UCP3: variants seen among roughly 807,000 people sequenced by gnomAD.
UCP3 encodes the protein putative mitochondrial transporter UCP3.
A neutral mutation model predicts 28.1 loss-of-function variants in UCP3; 24 were observed. The observed-to-expected ratio is 0.85, with a 90% CI of 0.62 to 1.20. The LOEUF is 1.20. Ranked by LOEUF, UCP3 falls within the 50% of genes most tolerant of loss-of-function variation. The probability of loss-of-function intolerance (pLI) is 0.00; values close to 1 mark genes in which losing one functional copy is unlikely to be tolerated. For missense variants in UCP3, 397 were observed against 422.2 expected, an observed-to-expected ratio of 0.94 and a Z score of 0.52; for synonymous variants, 184 against 171.2, an observed-to-expected ratio of 1.07 and a Z score of -0.59.
chr11:74,001,675 C>G (rs938155521), intron 6 of UCP3, 149 bp from the exon 7 acceptor site: 1 of 607,034 alleles, frequency 1.6e-6, no homozygotes, highest in Non-Finnish European at 2.9e-6. Flanking sequence ...CTCTCTCTCT[C>G]TTTTTTTTTT....
intron 4 of UCP3, among the ~76,000 whole-genome samples, chr11:74,004,931 C>T (rs547849248): frequency 4.7e-4 from 72 of 152,306 alleles, no homozygotes; most frequent in South Asian, 1.2e-3. Flanking sequence ...AGTCATTCAG[C>T]GAGAGGCTGA....
chr11:74,001,568 G>A (rs1463074192), intron 6 of UCP3, 42 bp from the exon 7 acceptor site: 2 of 1,579,104 alleles, frequency 1.3e-6, no homozygotes, highest in Non-Finnish European at 1.7e-6. Context: ...GAGTGCTAGG[G>A]GACCACAACA....
At chr11:74,002,742 G>A in intron 6 of UCP3, 1 of 985,226 alleles carries the variant, frequency 1.0e-6, no homozygotes, top group Non-Finnish European at 1.2e-6. Flanking sequence ...TAATGATAGA[G>A]GCACTTTTTG....
At chr11:74,006,818 T>C (rs1222898040) in intron 2 of UCP3, 99 bp downstream of exon 2, 3 of 1,584,276 alleles carry the variant, frequency 1.9e-6, no homozygotes, top group Middle Eastern at 1.7e-4. Context: ...TTTGTCAGGG[T>C]TCTGAGGAAG....
chr11:74,003,718 A>C, intron 6 of UCP3, 109 bp downstream of exon 6: 1 of 1,499,778 alleles, frequency 6.7e-7, no homozygotes, highest in Non-Finnish European at 8.8e-7. Context: ...TGGCATTTAC[A>C]TCTGTACTCT....
chr11:74,001,345 T>C lies in UCP3; in HGVS notation c.*67A>G. ...GGGTCTGTGTCCATGTGTGCGTGGATGCACCGTTTTCTTCCATTCTTAACT... is the reference window on the plus strand; with the variant it reads ...GGGTCTGTGTCCATGTGTGCGTGGACGCACCGTTTTCTTCCATTCTTAACT... On this transcript the variant is annotated 3_prime_UTR_variant, in exon 7 of 7. Transcript: ENST00000314032. 6.9e-7 allele frequency: 1 copy of C among 1,451,186 alleles called. No homozygotes were observed. Among genetic ancestry groups the C allele is most frequent in the Non-Finnish European group, 9.7e-7 (1 of 1,034,028 alleles). The allele number at this position is 1,451,186 out of a possible 1,614,324, so 89.9% of individuals were successfully genotyped here. A position where few individuals can be genotyped will look rare whatever the true frequency, so the allele number is the denominator to read the frequency against.
chr11:74,007,942 C>G (rs893880895), intron 1 of UCP3, among the ~76,000 whole-genome samples: 1 of 152,162 alleles, frequency 6.6e-6, no homozygotes, highest in African/African-American at 2.4e-5. Context: ...AAAGTGGAAC[C>G]CTCATTACTG....
intron 1 of UCP3, 107 bp from the exon 2 acceptor site, chr11:74,007,244 G>A: frequency 1.5e-6 from 1 of 653,340 alleles, no homozygotes; most frequent in South Asian, 1.9e-5. Context: ...CCTGGGTGGT[G>A]CCATACTTAA....
At chr11:74,007,525 G>T (rs1951676405) in intron 1 of UCP3, among the ~76,000 whole-genome samples, 1 of 151,992 alleles carries the variant, frequency 6.6e-6, no homozygotes, top group South Asian at 2.1e-4. Flanking sequence ...TGACCTCTTG[G>T]ACTCAAGTGA....
chr11:74,006,719 C>A (rs1951669974), intron 2 of UCP3, among the ~76,000 whole-genome samples, 198 bp downstream of exon 2: 2 of 152,180 alleles, frequency 1.3e-5, no homozygotes, highest in Admixed American at 1.3e-4. Flanking sequence ...AGGGCCCTGT[C>A]ACATCATGCA....
intron 4 of UCP3, 21 bp from the exon 5 acceptor site, chr11:74,004,606 A>G: frequency 6.4e-7 from 1 of 1,552,956 alleles, no homozygotes; most frequent in African/African-American, 1.4e-5. Flanking sequence ...GGCGGTGGGG[A>G]GGGATGTGAA....
intron 1 of UCP3, among the ~76,000 whole-genome samples, chr11:74,007,651 T>C (rs1362355705): frequency 6.6e-6 from 1 of 152,178 alleles, no homozygotes; most frequent in Non-Finnish European, 1.5e-5. Flanking sequence ...ATTCTGGTCT[T>C]GAACTCTTGG....
rs745890211 is a variant in UCP3 at position 74,003,981 on chromosome 11, C to T, written c.670G>A (p.Ala224Thr). The T allele has an allele frequency of 1.4e-5, 22 of 1,613,972 alleles. No homozygotes were observed. In the Admixed American group the frequency reaches 3.7e-4, roughly 27 times the overall value. ...TDNFPCHFVS[A>T]FGAGFCATVV... ...GTGGCACAGAAGCCGGCTCCAAAGG[C>T]AGAGACAAAGTGGCAGGGGAAGTTG... Residue 224 changes from alanine to threonine, a missense_variant, in exon 6 of 7, where the codon GCC becomes ACC. By Grantham distance (58) the Ala-to-Thr change is moderately conservative (BLOSUM62 0). Coordinates refer to ENST00000314032, the MANE Select transcript of UCP3 (RefSeq NM_003356.4).
At chr11:74,006,628 G>C (rs769074592) in intron 2 of UCP3, among the ~76,000 whole-genome samples, 14 of 152,182 alleles carry the variant, frequency 9.2e-5, no homozygotes, top group Admixed American at 9.2e-4. Flanking sequence ...TAAGTGCTTC[G>C]TGGCTTGCCC....
chr11:74,004,976 G>C (rs1951650741), intron 4 of UCP3, among the ~76,000 whole-genome samples: 2 of 152,336 alleles, frequency 1.3e-5, no homozygotes, highest in Non-Finnish European at 1.5e-5. Context: ...GGTGCCAGCA[G>C]GGCCCTAGGA....
rs750818958 is a variant in UCP3 at position 74,001,455 on chromosome 11, C to A, written c.896G>T (p.Arg299Leu). 3.1e-6 allele frequency: 5 copies of A among 1,614,134 alleles called. No homozygotes were observed. Among genetic ancestry groups the A allele is most frequent in the Non-Finnish European group, 4.2e-6 (5 of 1,180,034 alleles). Residue 299 changes from arginine to leucine, a missense_variant, in exon 7 of 7, where the codon CGG becomes CTG. Transcript: ENST00000314032. Reference sequence around the variant, plus strand: ...TAACATCTGGACTTTCATCAGGGCCCGTTTCAGCTGCTCATAGGTTACGAA... The same window carrying A: ...TAACATCTGGACTTTCATCAGGGCCAGTTTCAGCTGCTCATAGGTTACGAA... ...VMFVTYEQLKRALMKVQMLRE... is the reference protein window; with the variant it reads ...VMFVTYEQLKLALMKVQMLRE...
In UCP3 at chr11:74,005,801, C is replaced by G. The variant is rs1565191347; in HGVS notation, c.470G>C (p.Arg157Thr). ...SIHLGPSRSD[R>T]KYSGTMDAYR... Reference sequence around the variant, plus strand: ...GGCGTCCATAGTCCCGCTGTATTTTCTGTCGCTCCTGGATGGCCCGAGGTG... The same window carrying G: ...GGCGTCCATAGTCCCGCTGTATTTTGTGTCGCTCCTGGATGGCCCGAGGTG... Residue 157 changes from arginine (R) to threonine (T), a missense_variant, in exon 4 of 7, where the codon AGA becomes ACA. By Grantham distance (71) the Arg-to-Thr change is moderately conservative (BLOSUM62 -1). Coordinates refer to ENST00000314032, the MANE Select transcript of UCP3 (RefSeq NM_003356.4). The G allele has an allele frequency of 3.7e-6, 6 of 1,614,238 alleles. No individual in the cohort carries two copies. The highest frequency in any genetic ancestry group is 5.1e-6 in the Non-Finnish European group (6 of 1,180,040).
intron 4 of UCP3, 50 bp downstream of exon 4, chr11:74,005,680 G>A (rs1481179681): frequency 6.2e-7 from 1 of 1,605,836 alleles, no homozygotes; most frequent in Non-Finnish European, 8.5e-7. Flanking sequence ...CCAGCCTGAG[G>A]GGAGGGAAAG....
chr11:74,006,978 G>A lies in UCP3; in HGVS notation c.65C>T (p.Thr22Ile), dbSNP rs1565191988. 3 of 1,614,202 alleles carry A rather than the reference G, an allele frequency of 1.9e-6. No individual in the cohort carries two copies. The highest frequency in any genetic ancestry group is 1.1e-5 in the South Asian group (1 of 91,088). ...AACGAGGTCAGCAAAACAGGCTGCTGTGCCTGCCCCCAGGAACTTCACAGC... is the reference window on the plus strand; with the variant it reads ...AACGAGGTCAGCAAAACAGGCTGCTATGCCTGCCCCCAGGAACTTCACAGC... ...TMAVKFLGAG[T>I]AACFADLVTF... Residue 22 changes from threonine (T) to isoleucine (I), a missense_variant, in exon 2 of 7, where the codon ACA (threonine) becomes ATA (isoleucine). Physicochemically the swap from Thr to Ile is moderately conservative, Grantham distance 89. Coordinates refer to ENST00000314032, the MANE Select transcript of UCP3 (RefSeq NM_003356.4).
Sources: allele counts gnomAD v4.1 joint callset (sites outside exome capture counted in the v4.1 genomes callset), GRCh38; gene constraint gnomAD v4.1.1; transcripts MANE v1.5; gene names NCBI Gene and HGNC (gene_info 2026-07-23, HGNC 2026-07-21).